Variants in CNTNAP2 observed in about 807,000 individuals in gnomAD.
CNTNAP2 encodes contactin associated protein 2, also known as contactin-associated protein-like 2.
A neutral mutation model predicts 155.2 loss-of-function variants in CNTNAP2; 98 were observed. The ratio of observed to expected loss-of-function variants is 0.63; its 90% confidence interval spans 0.54 to 0.75. The LOEUF is 0.75. Among genes scored for constraint, CNTNAP2 ranks in the 30% least tolerant of loss-of-function variants. CNTNAP2 has a pLI of 0.00. For missense variants in CNTNAP2, 1,727 were observed against 1,688.1 expected (o/e 1.02, Z -0.40); for synonymous variants, 651 against 631.2 (o/e 1.03, Z -0.47).
At chr7:146,266,491 A>AT (rs1044374181) in intron 1 of CNTNAP2, among the ~76,000 whole-genome samples, 8 of 152,130 alleles carry the variant, frequency 5.3e-5, no homozygotes, top group Non-Finnish European at 8.8e-5. Context: ...TCACAACTTG[A>AT]TTTTTTTTAT....
intron 4 of CNTNAP2, among the ~76,000 whole-genome samples, chr7:147,092,417 C>A (rs1211457567): frequency 6.6e-6 from 1 of 152,038 alleles, no homozygotes; most frequent in Non-Finnish European, 1.5e-5. Context: ...TCAAGAGAAA[C>A]CCTGAATTTA....
intron 12 of CNTNAP2, among the ~76,000 whole-genome samples, chr7:147,638,431 C>A (rs546412195): frequency 6.6e-6 from 1 of 152,270 alleles, no homozygotes; most frequent in South Asian, 2.1e-4. Flanking sequence ...CTTAGAGATG[C>A]TTCTAACTAA....
At chr7:146,272,594 T>A (rs1800099559) in intron 1 of CNTNAP2, among the ~76,000 whole-genome samples, 1 of 152,168 alleles carries the variant, frequency 6.6e-6, no homozygotes, top group South Asian at 2.1e-4. Context: ...AATTCCACTA[T>A]TGTGAATTAA....
At chr7:147,013,028 A>AC (rs572599632) in intron 3 of CNTNAP2, among the ~76,000 whole-genome samples, 166 of 152,172 alleles carry the variant, frequency 1.1e-3, no homozygotes, top group African/African-American at 3.9e-3. Context: ...AACCATTTTG[A>AC]CCCCCCAAAA....
intron 11 of CNTNAP2, among the ~76,000 whole-genome samples, chr7:147,497,306 T>A (rs1187680282): frequency 6.6e-6 from 1 of 152,188 alleles, no homozygotes; most frequent in Non-Finnish European, 1.5e-5. Context: ...AAAATATGCC[T>A]ACTCTACTCT....
At chr7:147,922,286 T>A (rs574967850) in intron 14 of CNTNAP2, among the ~76,000 whole-genome samples, 1 of 152,332 alleles carries the variant, frequency 6.6e-6, no homozygotes, top group Non-Finnish European at 1.5e-5. Context: ...ATGTATGAAT[T>A]GGTTTTGTGT....
intron 1 of CNTNAP2, among the ~76,000 whole-genome samples, chr7:146,308,117 A>C (rs1800749110): frequency 6.6e-6 from 1 of 152,200 alleles, no homozygotes; most frequent in Non-Finnish European, 1.5e-5. Context: ...CAAAGAACTT[A>C]ACAAATTTAC....
At chr7:147,763,471 A>C (rs1797339228) in intron 13 of CNTNAP2, among the ~76,000 whole-genome samples, 1 of 149,464 alleles carries the variant, frequency 6.7e-6, no homozygotes, top group African/African-American at 2.5e-5. Flanking sequence ...AGAGCATCTT[A>C]GCAGGGCATG....
intron 11 of CNTNAP2, among the ~76,000 whole-genome samples, chr7:147,494,607 A>T (rs1450607430): frequency 6.6e-6 from 1 of 152,178 alleles, no homozygotes; most frequent in East Asian, 1.9e-4. Context: ...ATTATTCATT[A>T]AACTCCCTGT....
At chr7:146,429,103 A>G (rs1472184296) in intron 1 of CNTNAP2, among the ~76,000 whole-genome samples, 3 of 152,062 alleles carry the variant, frequency 2.0e-5, no homozygotes, top group African/African-American at 4.8e-5. Context: ...CTGTTCTCAT[A>G]CCAGTACCAT....
intron 4 of CNTNAP2, among the ~76,000 whole-genome samples, chr7:147,047,332 A>C (rs927927314): frequency 4.8e-5 from 7 of 145,952 alleles, no homozygotes; most frequent in Non-Finnish European, 9.0e-5. Context: ...CATATTAGCC[A>C]GGATGGTCTT....
At chr7:146,761,466 TGAA>T (rs1802098861) in intron 1 of CNTNAP2, among the ~76,000 whole-genome samples, 1 of 152,180 alleles carries the variant, frequency 6.6e-6, no homozygotes, top group African/African-American at 2.4e-5. Context: ...AGAGAAAATG[TGAA>T]GAAGAGCACT....
chr7:147,740,801 A>G (rs543640340), intron 13 of CNTNAP2, among the ~76,000 whole-genome samples: 2 of 152,328 alleles, frequency 1.3e-5, no homozygotes, highest in African/African-American at 4.8e-5. Context: ...CAAGGAATTT[A>G]TGAAAGGGAG....
At chr7:146,961,527 C>T (rs1211777198) in intron 3 of CNTNAP2, among the ~76,000 whole-genome samples, 1 of 152,174 alleles carries the variant, frequency 6.6e-6, no homozygotes, top group Admixed American at 6.6e-5. Context: ...TTCATTTTTA[C>T]ACCCTCTACC....
intron 2 of CNTNAP2, among the ~76,000 whole-genome samples, chr7:146,835,235 A>C (rs57226804): frequency 0.035 from 5,350 of 152,256 alleles, 319 homozygotes; most frequent in African/African-American, 0.12. Flanking sequence ...AACTGAAGAA[A>C]ATTTATTCTG....
intron 1 of CNTNAP2, among the ~76,000 whole-genome samples, chr7:146,548,217 A>G (rs1050638599): frequency 6.6e-6 from 1 of 151,800 alleles, no homozygotes; most frequent in Non-Finnish European, 1.5e-5. Context: ...AACATGTGGT[A>G]TTTGGTTTTC....
At chr7:146,861,791 A>G (rs1050018362) in intron 3 of CNTNAP2, among the ~76,000 whole-genome samples, 2 of 152,104 alleles carry the variant, frequency 1.3e-5, no homozygotes, top group Non-Finnish European at 2.9e-5. Context: ...AAAAATAATT[A>G]TATGTAATTT....
intron 20 of CNTNAP2, among the ~76,000 whole-genome samples, chr7:148,247,252 C>T (rs1214628427): frequency 6.6e-6 from 1 of 152,036 alleles, no homozygotes; most frequent in African/African-American, 2.4e-5. Flanking sequence ...TCTTAAAATA[C>T]CATTTATTGT....
At chr7:146,545,954 A>G (rs2129141822) in intron 1 of CNTNAP2, among the ~76,000 whole-genome samples, 1 of 152,090 alleles carries the variant, frequency 6.6e-6, no homozygotes, top group South Asian at 2.1e-4. Context: ...TAGCAAATAG[A>G]TTTTAAAAAT....
Sources: gnomAD v4.1 joint callset for allele counts (sites outside exome capture counted in the v4.1 genomes callset) on GRCh38, gnomAD v4.1.1 for gene constraint, MANE v1.5 for transcripts, NCBI Gene and HGNC (gene_info 2026-07-23, HGNC 2026-07-21) for gene names.